FZD10: variants seen among roughly 807,000 people sequenced by gnomAD.
The protein encoded by FZD10 is frizzled-10.
Under a neutral mutation model 24.4 loss-of-function variants are expected in FZD10, and 14 were observed. The observed-to-expected ratio is 0.57, with a 90% CI of 0.38 to 0.90. The LOEUF (loss-of-function observed/expected upper bound fraction) is 0.90, where lower values mean the gene tolerates loss of function less well. Ranked by LOEUF, FZD10 falls within the 40% of genes least tolerant of loss-of-function variation. FZD10 has a pLI of 0.00. For synonymous variants in FZD10, 381 were observed against 349.1 expected (o/e 1.09, Z -1.02); for missense variants, 775 against 816.6 (o/e 0.95, Z 0.62).
Position 130,164,350 on chromosome 12 carries a change from G to A in FZD10, c.1408G>A (p.Asp470Asn). 6.2e-7 allele frequency: 1 copy of A among 1,614,118 alleles called. No homozygotes were observed. Among genetic ancestry groups the A allele is most frequent in the Non-Finnish European group, 8.5e-7 (1 of 1,180,024 alleles). ...ACYFYERLNM[D>N]YWKILAAQHK... The stretch of plus-strand genomic sequence containing the variant: ...CTACTTTTACGAACGCCTCAACATG[G>A]ATTACTGGAAGATCCTGGCGGCGCA... The change falls in exon 1 of 1, where the codon GAT becomes AAT. Residue 470 changes from aspartate (D) to asparagine (N), a missense_variant. By Grantham distance (23) the Asp-to-Asn change is conservative. Transcript: ENST00000229030. This position sits in a 1 kb window ranked among gnomAD's most constrained non-coding sequence, Gnocchi z 5.3.
In FZD10 at chr12:130,162,999, C is replaced by T; in HGVS notation, c.57C>T (p.Ala19=). ...WLVLQVMGSC[A]AISSMDMERP... is the part of the protein sequence containing the mutation. ...TCCTGCAGGTGATGGGCTCGTGCGC[C>T]GCCATCAGCTCCATGGACATGGAGC... The change falls in exon 1 of 1, where the codon GCC becomes GCT. Residue 19 remains alanine, a synonymous_variant. Coordinates refer to ENST00000229030, the MANE Select transcript of FZD10 (RefSeq NM_007197.4). 5 of 1,587,934 alleles carry T rather than the reference C, an allele frequency of 3.1e-6. No homozygotes were observed. Among genetic ancestry groups the T allele is most frequent in the Non-Finnish European group, 3.4e-6 (4 of 1,167,960 alleles).
Position 130,164,683 on chromosome 12 carries a change from G to A in FZD10, c.1741G>A (p.Val581Met), listed in dbSNP as rs1201001511. Residue 581 changes from valine (V) to methionine (M), a missense_variant, in exon 1 of 1, where the codon GTG (valine) becomes ATG (methionine). Val to Met is a conservative substitution (Grantham distance 21). Coordinates refer to ENST00000229030, the MANE Select transcript of FZD10 (RefSeq NM_007197.4). The surrounding 1 kb of genome is among the most constrained non-coding windows in gnomAD (Gnocchi z 5.3). The stretch of plus-strand genomic sequence containing the variant: ...GATCCCTGCCCAGTCGCCCACCTGC[G>A]TGTGAACAGGGCTGGAGGGAAGGGC... ...YEIPAQSPTC[V>M] The A allele has an allele frequency of 2.5e-6, 4 of 1,601,994 alleles. No homozygotes were observed. Among genetic ancestry groups the A allele is most frequent in the East Asian group, 2.2e-5 (1 of 44,764 alleles).
In FZD10 at chr12:130,162,906, G is replaced by T; in HGVS notation, c.-37G>T. 2.1e-6 allele frequency: 3 copies of T among 1,436,384 alleles called. No homozygotes were observed. Among genetic ancestry groups the T allele is most frequent in the Non-Finnish European group, 2.8e-6 (3 of 1,085,142 alleles). 89.0% of individuals were successfully genotyped at this position (1,436,384 alleles called of 1,614,324 possible). A position where few individuals can be genotyped will look rare whatever the true frequency, so the allele number is the denominator to read the frequency against. On this transcript the variant is annotated 5_prime_UTR_variant, in exon 1 of 1. Coordinates refer to ENST00000229030, the MANE Select transcript of FZD10 (RefSeq NM_007197.4). Reference sequence around the variant, plus strand: ...TGCCCGGGAGCGGCGGCGCTGAGGGGCGCGGAGCTCCCCGCGAGGACACGT... The same window carrying T: ...TGCCCGGGAGCGGCGGCGCTGAGGGTCGCGGAGCTCCCCGCGAGGACACGT...
rs201661032 is a variant in FZD10, at chr12:130,163,498, G to C, written c.556G>C (p.Gly186Arg). Residue 186 changes from glycine to arginine, a missense_variant, in exon 1 of 1, where the codon GGC becomes CGC. Coordinates refer to ENST00000229030, the MANE Select transcript of FZD10 (RefSeq NM_007197.4). Reference sequence around the variant, plus strand: ...GCAGGAGCACCCGCTGAAGGACGGGGGCCCCGGGCGCGGCGGCTGCGACAA... The same window carrying C: ...GCAGGAGCACCCGCTGAAGGACGGGCGCCCCGGGCGCGGCGGCTGCGACAA... Reference protein sequence around the residue: ...SAQEHPLKDGGPGRGGCDNPG... With the variant: ...SAQEHPLKDGRPGRGGCDNPG... 7.5e-5 allele frequency: 119 copies of C among 1,589,696 alleles called. 1 individual carries two copies. In the African/African-American group the frequency reaches 1.5e-3, roughly 19 times the overall value.
Position 130,163,439 on chromosome 12 carries a change from C to A in FZD10, c.497C>A (p.Pro166Gln). ...DEPTRGSGLF[P>Q]PLFRPQRPHS... ...CCCACCCGGGGCTCGGGCCTGTTCC[C>A]GCCGCTGTTCCGGCCGCAGCGGCCC... Residue 166 changes from proline to glutamine, a missense_variant, in exon 1 of 1, where the codon CCG (proline) becomes CAG (glutamine). By Grantham distance (76) the Pro-to-Gln change is moderately conservative (BLOSUM62 -1). Transcript: ENST00000229030. 1 of 1,611,792 alleles carries A rather than the reference C, an allele frequency of 6.2e-7. No individual in the cohort carries two copies. Among genetic ancestry groups the A allele is most frequent in the Non-Finnish European group, 8.5e-7 (1 of 1,179,510 alleles).
chr12:130,163,095 T>A lies in FZD10; in HGVS notation c.153T>A (p.Arg51=). 1 of 1,612,722 alleles carries A rather than the reference T, an allele frequency of 6.2e-7. No individual in the cohort carries two copies. The highest frequency in any genetic ancestry group is 8.5e-7 in the Non-Finnish European group (1 of 1,179,908). The change falls in exon 1 of 1, where the codon CGT becomes CGA. Residue 51 remains arginine, a synonymous_variant. Transcript: ENST00000229030. ...MCKDIGYNMT[R]MPNLMGHENQ... ...AGGACATCGGCTACAACATGACTCGTATGCCCAACCTGATGGGCCACGAGA... is the reference window on the plus strand; with the variant it reads ...AGGACATCGGCTACAACATGACTCGAATGCCCAACCTGATGGGCCACGAGA...
rs200618249 is a variant in FZD10, at chr12:130,163,719, C to G, written c.777C>G (p.Pro259=). ...FLIDPARFRY[P]ERPIIFLSMC... ...TCGACCCGGCCCGCTTCCGCTACCC[C>G]GAGCGCCCCATCATCTTCCTCTCCA... Residue 259 remains proline, a synonymous_variant, in exon 1 of 1, where the codon CCC becomes CCG. Transcript: ENST00000229030. 21 of 1,613,932 alleles carry G rather than the reference C, an allele frequency of 1.3e-5. No individual in the cohort carries two copies. The East Asian group carries it at 4.7e-4, about 36-fold the overall frequency.
Position 130,164,228 on chromosome 12 carries a change from C to T in FZD10, c.1286C>T (p.Thr429Met), listed in dbSNP as rs978756233. Residue 429 changes from threonine (T) to methionine (M), a missense_variant, in exon 1 of 1, where the codon ACG becomes ATG. Physicochemically the swap from Thr to Met is moderately conservative, Grantham distance 81. Coordinates refer to ENST00000229030, the MANE Select transcript of FZD10 (RefSeq NM_007197.4). The surrounding 1 kb of genome is among the most constrained non-coding windows in gnomAD (Gnocchi z 5.3). Reference sequence around the variant, plus strand: ...TTCCACATCCGGAGGGTGATGAAGACGGGCGGCGAGAACACGGACAAGCTG... The same window carrying T: ...TTCCACATCCGGAGGGTGATGAAGATGGGCGGCGAGAACACGGACAAGCTG... Reference protein sequence around the residue: ...ALFHIRRVMKTGGENTDKLEK... With the variant: ...ALFHIRRVMKMGGENTDKLEK... The T allele has an allele frequency of 3.7e-6, 6 of 1,614,000 alleles. No homozygotes were observed. The African/African-American group carries it at 5.3e-5, about 14-fold the overall frequency.
At position 130,163,813 on chromosome 12, in the gene FZD10, G is replaced by C; in HGVS notation, c.871G>C (p.Asp291His). The change falls in exon 1 of 1, where the codon GAC becomes CAC. Residue 291 changes from aspartate to histidine, a missense_variant. Asp to His is a moderately conservative substitution (Grantham distance 81). Transcript: ENST00000229030. ...CGCCGGCGCCGAGAGCATCGCCTGC[G>C]ACCGGGACAGCGGCCAGCTCTATGT... Reference protein sequence around the residue: ...LFAGAESIACDRDSGQLYVIQ... With the variant: ...LFAGAESIACHRDSGQLYVIQ... 1.9e-6 allele frequency: 3 copies of C among 1,613,920 alleles called. No individual in the cohort carries two copies. Among genetic ancestry groups the C allele is most frequent in the Non-Finnish European group, 1.7e-6 (2 of 1,180,030 alleles).
In FZD10 at chr12:130,162,852, G is replaced by A; in HGVS notation, c.-91G>A. On this transcript the variant is annotated 5_prime_UTR_variant, in exon 1 of 1. Transcript: ENST00000229030. Reference sequence around the variant, plus strand: ...GGGCATGGGCGGGGGCCCGAGCAGGGGTGGAGAGCCGGGGCCAGCAGCAGC... The same window carrying A: ...GGGCATGGGCGGGGGCCCGAGCAGGAGTGGAGAGCCGGGGCCAGCAGCAGC... 2.0e-6 allele frequency: 2 copies of A among 999,920 alleles called. No individual in the cohort carries two copies. The highest frequency in any genetic ancestry group is 2.9e-5 in the East Asian group (1 of 34,100). The allele number at this position is 999,920 out of a possible 1,614,324, so 61.9% of individuals were successfully genotyped here.
In FZD10 at chr12:130,164,408, C is replaced by G; in HGVS notation, c.1466C>G (p.Thr489Arg). 6.2e-7 allele frequency: 1 copy of G among 1,613,970 alleles called. No individual in the cohort carries two copies. Among genetic ancestry groups the G allele is most frequent in the Non-Finnish European group, 8.5e-7 (1 of 1,180,032 alleles). ...HKCKMNNQTK[T>R]LDCLMAASIP... The stretch of plus-strand genomic sequence containing the variant: ...TGCAAAATGAACAACCAGACTAAAA[C>G]GCTGGACTGCCTGATGGCCGCCTCC... Residue 489 changes from threonine to arginine, a missense_variant, in exon 1 of 1, where the codon ACG becomes AGG. Coordinates refer to ENST00000229030, the MANE Select transcript of FZD10 (RefSeq NM_007197.4). This position sits in a 1 kb window ranked among gnomAD's most constrained non-coding sequence, Gnocchi z 5.3.
In FZD10 at chr12:130,162,880, G is replaced by T. The variant is rs1871693451; in HGVS notation, c.-63G>T. On this transcript the variant is annotated 5_prime_UTR_variant, in exon 1 of 1. Coordinates refer to ENST00000229030, the MANE Select transcript of FZD10 (RefSeq NM_007197.4). ...GGAGAGCCGGGGCCAGCAGCAGCCC[G>T]TGCCCGGGAGCGGCGGCGCTGAGGG... 7.6e-7 allele frequency: 1 copy of T among 1,309,470 alleles called. No individual in the cohort carries two copies. The highest frequency in any genetic ancestry group is 1.6e-5 in the South Asian group (1 of 63,858). The allele number at this position is 1,309,470 out of a possible 1,614,324, so 81.1% of individuals were successfully genotyped here.
Position 130,163,179 on chromosome 12 carries a change from C to A in FZD10, c.237C>A (p.Cys79Ter). 1 of 1,612,804 alleles carries A rather than the reference C, an allele frequency of 6.2e-7. No individual in the cohort carries two copies. Among genetic ancestry groups the A allele is most frequent in the Non-Finnish European group, 8.5e-7 (1 of 1,179,918 alleles). The stretch of plus-strand genomic sequence containing the variant: ...TCGCGCCGCTGGTGGAGTACGGCTG[C>A]CACGGCCACCTCCGCTTCTTCCTGT... ...HEFAPLVEYG[C>*]HGHLRFFLCS... The change falls in exon 1 of 1, where the codon TGC becomes TGA. Residue 79 changes from cysteine to a stop codon, truncating the protein, a stop_gained. Coordinates refer to ENST00000229030, the MANE Select transcript of FZD10 (RefSeq NM_007197.4). LOFTEE classifies it high-confidence loss of function.
Position 130,163,526 on chromosome 12 carries a change from C to A in FZD10, c.584C>A (p.Pro195Gln). 1 of 1,589,128 alleles carries A rather than the reference C, an allele frequency of 6.3e-7. No individual in the cohort carries two copies. The highest frequency in any genetic ancestry group is 1.7e-4 in the Middle Eastern group (1 of 5,900). ...CCCGGGCGCGGCGGCTGCGACAACC[C>A]GGGCAAGTTCCACCACGTGGAGAAG... Reference protein sequence around the residue: ...GGPGRGGCDNPGKFHHVEKSA... With the variant: ...GGPGRGGCDNQGKFHHVEKSA... The change falls in exon 1 of 1, where the codon CCG (proline) becomes CAG (glutamine). Residue 195 changes from proline to glutamine, a missense_variant. Physicochemically the swap from Pro to Gln is moderately conservative, Grantham distance 76. Transcript: ENST00000229030.
At position 130,163,646 on chromosome 12, in the gene FZD10, C is replaced by CGGT. The variant is rs1402061940; in HGVS notation, c.706_708dup (p.Val236dup). 14 of 1,613,022 alleles carry CGGT rather than the reference C, an allele frequency of 8.7e-6. No individual in the cohort carries two copies. Among genetic ancestry groups the CGGT allele is most frequent in the African/African-American group, 2.7e-5 (2 of 74,958 alleles). Reference sequence around the variant, plus strand: ...GCAGTGGTCTGGCTGGCCATCTGGGCGGTGCTGTGCTTCTTCTCCAGCGCC... The same window carrying CGGT: ...GCAGTGGTCTGGCTGGCCATCTGGGCGGTGGTGCTGTGCTTCTTCTCCAGCGCC... On this transcript the variant is annotated inframe_insertion, in exon 1 of 1. Coordinates refer to ENST00000229030, the MANE Select transcript of FZD10 (RefSeq NM_007197.4).
At position 130,164,161 on chromosome 12, in the gene FZD10, G is replaced by T. The variant is rs1425988135; in HGVS notation, c.1219G>T (p.Val407Phe). 1 of 1,614,040 alleles carries T rather than the reference G, an allele frequency of 6.2e-7. No individual in the cohort carries two copies. Among genetic ancestry groups the T allele is most frequent in the Admixed American group, 1.7e-5 (1 of 60,022 alleles). Reference sequence around the variant, plus strand: ...GCTCATTCCCCTGGCCTGCTACCTGGTCATCGGCACGTCCTTCATCCTCTC... The same window carrying T: ...GCTCATTCCCCTGGCCTGCTACCTGTTCATCGGCACGTCCTTCATCCTCTC... ...FVLIPLACYLVIGTSFILSGF... is the reference protein window; with the variant it reads ...FVLIPLACYLFIGTSFILSGF... The change falls in exon 1 of 1, where the codon GTC (valine) becomes TTC (phenylalanine). Residue 407 changes from valine (V) to phenylalanine (F), a missense_variant. Val to Phe is a conservative substitution (Grantham distance 50, BLOSUM62 -1). Transcript: ENST00000229030. The surrounding 1 kb of genome is among the most constrained non-coding windows in gnomAD (Gnocchi z 5.3).
rs1190214411 is a variant in FZD10 at position 130,165,492 on chromosome 12, G to A, written c.*804G>A. The A allele has an allele frequency of 6.0e-6, 1 of 167,008 alleles. No individual in the cohort carries two copies. Among genetic ancestry groups the A allele is most frequent in the Non-Finnish European group, 1.5e-5 (1 of 68,102 alleles). 10.3% of individuals were successfully genotyped at this position (167,008 alleles called of 1,614,324 possible). A position where few individuals can be genotyped will look rare whatever the true frequency, so the allele number is the denominator to read the frequency against. On this transcript the variant is annotated 3_prime_UTR_variant, in exon 1 of 1. Coordinates refer to ENST00000229030, the MANE Select transcript of FZD10 (RefSeq NM_007197.4). ...AGACGTTTGGACTGATTTGTGGAAA[G>A]GAGGGGGGAAGAGGGAGAAGGATCA...
In FZD10 at chr12:130,164,755, T is replaced by A; in HGVS notation, c.*67T>A. 8.7e-7 allele frequency: 1 copy of A among 1,151,564 alleles called. No individual in the cohort carries two copies. Among genetic ancestry groups the A allele is most frequent in the Non-Finnish European group, 1.2e-6 (1 of 834,204 alleles). 71.3% of individuals were successfully genotyped at this position (1,151,564 alleles called of 1,614,324 possible). On this transcript the variant is annotated 3_prime_UTR_variant, in exon 1 of 1. Transcript: ENST00000229030. The surrounding 1 kb of genome is among the most constrained non-coding windows in gnomAD (Gnocchi z 5.3). The stretch of plus-strand genomic sequence containing the variant: ...ATGTGGTGCTTTTCTTGGTTGTGTT[T>A]TTCTTTCTTCTTCTTCTTTTTTTTT...
At position 130,163,557 on chromosome 12, in the gene FZD10, G is replaced by A. The variant is rs1252759839; in HGVS notation, c.615G>A (p.Ala205=). ...AGTTCCACCACGTGGAGAAGAGCGC[G>A]TCGTGCGCGCCGCTCTGCACGCCCG... ...PGKFHHVEKS[A]SCAPLCTPGV... Residue 205 remains alanine, a synonymous_variant, in exon 1 of 1, where the codon GCG becomes GCA. Coordinates refer to ENST00000229030, the MANE Select transcript of FZD10 (RefSeq NM_007197.4). 6.2e-7 allele frequency: 1 copy of A among 1,601,416 alleles called. No homozygotes were observed.
Sources: allele counts gnomAD v4.1 joint callset, GRCh38; gene constraint gnomAD v4.1.1; non-coding constraint Gnocchi (gnomAD v3.1); transcripts MANE v1.5; gene names NCBI Gene and HGNC (gene_info 2026-07-23, HGNC 2026-07-21).